The following NSF variants were observed in gnomAD, a reference collection of about 807,000 sequenced individuals.
NSF encodes the protein vesicle-fusing ATPase.
NSF carries 14 observed loss-of-function variants against 50.3 expected under a neutral mutation model. The ratio of observed to expected loss-of-function variants is 0.28; its 90% confidence interval spans 0.18 to 0.44. The LOEUF (loss-of-function observed/expected upper bound fraction) is 0.44, where lower values mean the gene tolerates loss of function less well. Ranked by LOEUF, NSF falls within the 20% of genes least tolerant of loss-of-function variation. NSF has a pLI of 1.00. For synonymous variants in NSF, 109 were observed against 175.7 expected (o/e 0.62, Z 3.00); for missense variants, 218 against 504.3 (o/e 0.43, Z 5.44).
intron 19 of NSF, among the ~76,000 whole-genome samples, chr17:46,752,302 A>T (rs2059188898): frequency 6.6e-6 from 1 of 152,138 alleles, no homozygotes; most frequent in Admixed American, 6.5e-5. Context: ...CCATGTGCCC[A>T]TGCTGTGTCT....
chr17:46,717,135 T>C (rs1194849006), intron 15 of NSF, among the ~76,000 whole-genome samples: 1 of 152,198 alleles, frequency 6.6e-6, no homozygotes, highest in East Asian at 1.9e-4. Context: ...GTGACACATA[T>C]ACACTGTGGA....
chr17:46,726,663 A>G (rs1328625950), intron 16 of NSF, 48 bp downstream of exon 16: 22 of 1,475,342 alleles, frequency 1.5e-5, no homozygotes, highest in Non-Finnish European at 2.1e-5. Context: ...CATTACAGCT[A>G]ATATCTCAAA....
chr17:46,687,492 C>A (rs2058505052), intron 9 of NSF, among the ~76,000 whole-genome samples: 2 of 144,950 alleles, frequency 1.4e-5, no homozygotes, highest in Non-Finnish European at 3.1e-5. Context: ...CAGTCTTCCA[C>A]CCTACATGCA....
intron 17 of NSF, among the ~76,000 whole-genome samples, chr17:46,734,875 A>G (rs1005456525): frequency 1.3e-5 from 2 of 152,144 alleles, no homozygotes; most frequent in Non-Finnish European, 2.9e-5. Context: ...TAGGCAACAT[A>G]GTAAGACCAG....
At chr17:46,688,913 TAAGAA>T (rs2058517650) in intron 9 of NSF, among the ~76,000 whole-genome samples, 2 of 128,136 alleles carry the variant, frequency 1.6e-5, no homozygotes, top group African/African-American at 7.0e-5. Flanking sequence ...AGCAAAAATT[TAAGAA>T]AAGAAAATAT....
At chr17:46,751,333 A>G (rs2059179828) in intron 18 of NSF, among the ~76,000 whole-genome samples, 170 bp from the exon 19 acceptor site, 1 of 152,180 alleles carries the variant, frequency 6.6e-6, no homozygotes, top group Non-Finnish European at 1.5e-5. Flanking sequence ...GATTGCACCT[A>G]ATGGGTTTAG....
chr17:46,713,087 A>G (rs950523008), intron 14 of NSF: 2 of 152,278 alleles, frequency 1.3e-5, no homozygotes, highest in African/African-American at 4.8e-5. Flanking sequence ...GGCAAGTTCC[A>G]TTTTGAAGGG....
chr17:46,750,125 G>C (rs1007101370), intron 18 of NSF, among the ~76,000 whole-genome samples: 3 of 152,210 alleles, frequency 2.0e-5, no homozygotes, highest in Admixed American at 6.5e-5. Context: ...GGACGGGGCA[G>C]GTGGATCACT....
At chr17:46,748,893 C>T (rs1486457793) in intron 17 of NSF, among the ~76,000 whole-genome samples, 5 of 152,084 alleles carry the variant, frequency 3.3e-5, no homozygotes, top group African/African-American at 1.2e-4. Context: ...CTCTGCATGG[C>T]CTAGCTGTAA....
intron 17 of NSF, among the ~76,000 whole-genome samples, chr17:46,731,083 A>G (rs2058944218): frequency 6.6e-6 from 1 of 152,214 alleles, no homozygotes; most frequent in Admixed American, 6.5e-5. Flanking sequence ...GTGAGTATTC[A>G]TAGCAGCATT....
intron 14 of NSF, among the ~76,000 whole-genome samples, chr17:46,712,261 A>G (rs1334812840): frequency 2.6e-5 from 4 of 152,218 alleles, no homozygotes; most frequent in Non-Finnish European, 2.9e-5. Flanking sequence ...TAATTATGCT[A>G]GCAGTTTTTG....
At chr17:46,734,572 C>T (rs2058981819) in intron 17 of NSF, among the ~76,000 whole-genome samples, 1 of 151,980 alleles carries the variant, frequency 6.6e-6, no homozygotes, top group Admixed American at 6.6e-5. Context: ...TCTCTGAGGA[C>T]AAAGGAAATT....
chr17:46,708,570 C>A (rs2058681075), intron 13 of NSF, among the ~76,000 whole-genome samples: 2 of 146,640 alleles, frequency 1.4e-5, no homozygotes, highest in Non-Finnish European at 3.0e-5. Flanking sequence ...CGGCTCACTG[C>A]AACCTCTGCC....
chr17:46,635,777 A>ATGTGTGTG (rs148930686), intron 4 of NSF, among the ~76,000 whole-genome samples: 21,940 of 116,476 alleles, frequency 0.19, 3,701 homozygotes, highest in Non-Finnish European at 0.25. Flanking sequence ...GGGAAAATAA[A>ATGTGTGTG]TGTGTGTGTG....
intron 17 of NSF, among the ~76,000 whole-genome samples, chr17:46,736,176 CAAAT>C (rs962341807): frequency 2.6e-5 from 4 of 152,154 alleles, no homozygotes; most frequent in African/African-American, 9.7e-5. Context: ...CATCCTAAGA[CAAAT>C]ACTCTTGTCT....
At chr17:46,746,873 A>C (rs1407359307) in intron 17 of NSF, among the ~76,000 whole-genome samples, 1 of 152,214 alleles carries the variant, frequency 6.6e-6, no homozygotes, top group Admixed American at 6.5e-5. Flanking sequence ...AAATTAATTG[A>C]GAGACTGATC....
chr17:46,720,426 G>C (rs2058818500), intron 15 of NSF, among the ~76,000 whole-genome samples: 1 of 152,098 alleles, frequency 6.6e-6, no homozygotes, highest in African/African-American at 2.4e-5. Flanking sequence ...GAAAATGTAA[G>C]ATTTTTTCCT....
chr17:46,730,156 G>A (rs959355405), intron 17 of NSF, among the ~76,000 whole-genome samples: 3 of 152,018 alleles, frequency 2.0e-5, no homozygotes, highest in South Asian at 2.1e-4. Context: ...ATAAGTAAAC[G>A]TATATATCTA....
chr17:46,742,949 C>A (rs1050520702), intron 17 of NSF, among the ~76,000 whole-genome samples: 1 of 152,016 alleles, frequency 6.6e-6, no homozygotes, highest in Non-Finnish European at 1.5e-5. Flanking sequence ...AGTGATAGAC[C>A]AAAGGACCTC....
Sources: gnomAD v4.1 joint callset for allele counts (sites outside exome capture counted in the v4.1 genomes callset) on GRCh38, gnomAD v4.1.1 for gene constraint, MANE v1.5 for transcripts, NCBI Gene and HGNC (gene_info 2026-07-23, HGNC 2026-07-21) for gene names.